Variants in CACNB2 observed in about 807,000 individuals in gnomAD.
CACNB2 encodes the protein voltage-dependent L-type calcium channel subunit beta-2.
In CACNB2, 42 loss-of-function variants were observed where a neutral mutation model predicts 73.3. The observed-to-expected ratio is 0.57, with a 90% CI of 0.45 to 0.74. The LOEUF is 0.74. Ranked by LOEUF, CACNB2 falls within the 30% of genes least tolerant of loss-of-function variation. The pLI is 0.00. For synonymous variants in CACNB2, 348 were observed against 310.3 expected, an observed-to-expected ratio of 1.12 and a Z score of -1.28; for missense variants, 940 against 853.0, an observed-to-expected ratio of 1.10 and a Z score of -1.27.
chr10:18,503,609 C>G (rs1208490182), intron 5 of CACNB2, among the ~76,000 whole-genome samples: 2 of 152,152 alleles, frequency 1.3e-5, no homozygotes, highest in African/African-American at 4.8e-5. Context: ...AAAAAAGAAC[C>G]ACCTTATATG....
chr10:18,352,733 AGT>A (rs1383000046), intron 2 of CACNB2, among the ~76,000 whole-genome samples: 1 of 152,228 alleles, frequency 6.6e-6, no homozygotes, highest in Non-Finnish European at 1.5e-5. Context: ...AGCATTTCAT[AGT>A]ATATGACATT....
intron 7 of CACNB2, among the ~76,000 whole-genome samples, chr10:18,517,595 T>C (rs1345896775): frequency 1.3e-5 from 2 of 152,188 alleles, no homozygotes; most frequent in African/African-American, 2.4e-5. Flanking sequence ...AATAGCATGG[T>C]TGAATATATT....
intron 2 of CACNB2, among the ~76,000 whole-genome samples, chr10:18,232,772 C>T (rs868327230): frequency 5.3e-5 from 8 of 152,206 alleles, no homozygotes; most frequent in Middle Eastern, 3.4e-3. Context: ...AGCATAAGTC[C>T]AAATATCCCA....
At chr10:18,375,326 G>T (rs944017469) in intron 2 of CACNB2, among the ~76,000 whole-genome samples, 17 of 152,124 alleles carry the variant, frequency 1.1e-4, no homozygotes, top group Admixed American at 1.0e-3. Flanking sequence ...AAAGATACAT[G>T]TATCTTTATT....
At chr10:18,506,974 T>G (rs1349848982) in intron 6 of CACNB2, among the ~76,000 whole-genome samples, 1 of 152,148 alleles carries the variant, frequency 6.6e-6, no homozygotes, top group Non-Finnish European at 1.5e-5. Flanking sequence ...AATTTTTGTA[T>G]TTTTTGTAGA....
chr10:18,394,263 G>A (rs181271165), intron 2 of CACNB2, among the ~76,000 whole-genome samples: 152 of 152,126 alleles, frequency 1.0e-3, no homozygotes, highest in African/African-American at 3.5e-3. Context: ...GCCCAAATTC[G>A]AAAATTTATA....
chr10:18,216,610 G>A (rs143943305), intron 2 of CACNB2, among the ~76,000 whole-genome samples: 62 of 152,128 alleles, frequency 4.1e-4, no homozygotes, highest in East Asian at 3.9e-4. Flanking sequence ...TTCTTTCTTT[G>A]TTTTTCAGTG....
chr10:18,364,314 T>C (rs76557840), intron 2 of CACNB2, among the ~76,000 whole-genome samples: 2,771 of 146,612 alleles, frequency 0.019, 94 homozygotes, highest in Admixed American at 0.075. Context: ...TTTTTTTTTT[T>C]CTGGGAGATA....
chr10:18,269,053 C>G (rs2037936156), intron 2 of CACNB2, among the ~76,000 whole-genome samples: 1 of 152,088 alleles, frequency 6.6e-6, no homozygotes, highest in South Asian at 2.1e-4. Context: ...AGGGTTAAGT[C>G]CTTTGCTTTG....
intron 3 of CACNB2, among the ~76,000 whole-genome samples, chr10:18,431,253 T>C (rs1406083704): frequency 6.6e-6 from 1 of 152,154 alleles, no homozygotes; most frequent in Non-Finnish European, 1.5e-5. Flanking sequence ...AGTGCTGGGA[T>C]TTTAGGCGTG....
At chr10:18,225,172 T>C (rs1219883739) in intron 2 of CACNB2, among the ~76,000 whole-genome samples, 2 of 152,124 alleles carry the variant, frequency 1.3e-5, no homozygotes, top group Non-Finnish European at 2.9e-5. Context: ...TATTTTTCCA[T>C]GTTCTGTTGA....
chr10:18,233,340 A>G (rs2131459807), intron 2 of CACNB2, among the ~76,000 whole-genome samples: 1 of 152,108 alleles, frequency 6.6e-6, no homozygotes, highest in East Asian at 1.9e-4. Context: ...CACGAGCCAT[A>G]TTGCCACTTT....
At chr10:18,497,487 A>G (rs1001426749) in intron 3 of CACNB2, among the ~76,000 whole-genome samples, 1 of 152,120 alleles carries the variant, frequency 6.6e-6, no homozygotes, top group Non-Finnish European at 1.5e-5. Context: ...TCGCGTGATC[A>G]TGGCTCACTG....
rs368412141 is a variant in CACNB2, at chr10:18,419,206, T to A, written c.333+17163T>A. Among the ~76,000 whole-genome samples the A allele has an allele frequency of 6.0e-4, 92 of 152,352 alleles. 2 individuals carry two copies. The highest frequency in any genetic ancestry group is 2.0e-3 in the African/African-American group (83 of 41,588). The stretch of plus-strand genomic sequence containing the variant: ...CTCCTCTGAGCGTACTGTGACTTGC[T>A]TAATTCTATGAGTTTAAGTAGCCTG... On this transcript the variant is annotated intron_variant, in intron 3 of 13. Transcript: ENST00000324631.
chr10:18,423,894 A>G (rs892045386), intron 3 of CACNB2, among the ~76,000 whole-genome samples: 15 of 152,200 alleles, frequency 9.9e-5, no homozygotes, highest in African/African-American at 3.6e-4. Context: ...TGAGATCAAT[A>G]TGTAATAACA....
At chr10:18,158,678 G>C (rs1172642921) in intron 2 of CACNB2, among the ~76,000 whole-genome samples, 1 of 151,304 alleles carries the variant, frequency 6.6e-6, no homozygotes, top group Admixed American at 6.6e-5. Flanking sequence ...TTCATCAAAA[G>C]AAAGGAAAAA....
At chr10:18,467,408 T>C (rs1304436136) in intron 3 of CACNB2, among the ~76,000 whole-genome samples, 3 of 152,206 alleles carry the variant, frequency 2.0e-5, no homozygotes, top group Admixed American at 6.5e-5. Context: ...CAAATATTTA[T>C]TGGTGTCTGG....
chr10:18,447,241 CTTG>C (rs756136010), intron 3 of CACNB2, among the ~76,000 whole-genome samples: 8 of 151,984 alleles, frequency 5.3e-5, no homozygotes, highest in Non-Finnish European at 1.2e-4. Context: ...ATCACCTTAT[CTTG>C]TTGTTAAAAT....
chr10:18,197,133 T>C (rs552524859), intron 2 of CACNB2, among the ~76,000 whole-genome samples: 1 of 152,158 alleles, frequency 6.6e-6, no homozygotes, highest in East Asian at 1.9e-4. Flanking sequence ...CATTGGTTGA[T>C]AGTTATCAGA....
Sources: allele counts gnomAD v4.1 joint callset (sites outside exome capture counted in the v4.1 genomes callset), GRCh38; gene constraint gnomAD v4.1.1; transcripts MANE v1.5; gene names NCBI Gene and HGNC (gene_info 2026-07-23, HGNC 2026-07-21).